EPHA3: variants seen among roughly 807,000 people sequenced by gnomAD.
The protein encoded by EPHA3 is ephrin type-A receptor 3.
In EPHA3, 42 loss-of-function variants were observed where a neutral mutation model predicts 107.1. The observed-to-expected ratio is 0.39, with a 90% CI of 0.31 to 0.51. EPHA3 has a LOEUF of 0.51. EPHA3 is among the 20% of genes least tolerant of loss of function. The probability of loss-of-function intolerance (pLI) is 0.78; values close to 1 mark genes in which losing one functional copy is unlikely to be tolerated. For synonymous variants in EPHA3, 461 were observed against 424.8 expected, an observed-to-expected ratio of 1.09 and a Z score of -1.05; for missense variants, 1,183 against 1,211.2, an observed-to-expected ratio of 0.98 and a Z score of 0.35.
chr3:89,368,880 A>G (rs1330218820), intron 5 of EPHA3, among the ~76,000 whole-genome samples: 1 of 150,602 alleles, frequency 6.6e-6, no homozygotes, highest in Non-Finnish European at 1.5e-5. Flanking sequence ...GCCCAGTCAA[A>G]TTGACACATA....
chr3:89,393,242 G>A (rs1479598578), intron 5 of EPHA3, among the ~76,000 whole-genome samples: 2 of 152,172 alleles, frequency 1.3e-5, no homozygotes. Context: ...TTAAGTAAGT[G>A]TGGAATTACA....
In EPHA3 at chr3:89,386,575, T is replaced by C. The variant is rs902148492; in HGVS notation, c.1307-9262T>C. ...GTTTGCTGCAGGGGCAGAGCCCTCA[T>C]AGAGACCTCTGCAAGGGCAGTGCAG... is the stretch of plus-strand genomic sequence containing the variant. On this transcript the variant is annotated intron_variant, in intron 5 of 16. Coordinates refer to ENST00000336596, the MANE Select transcript of EPHA3 (RefSeq NM_005233.6). Among the ~76,000 whole-genome samples, 5 of 152,218 alleles carry C rather than the reference T, an allele frequency of 3.3e-5. No individual in the cohort carries two copies. The South Asian group carries it at 6.2e-4, about 19-fold the overall frequency.
At chr3:89,400,552 A>G (rs985663511) in intron 7 of EPHA3, among the ~76,000 whole-genome samples, 1 of 152,110 alleles carries the variant, frequency 6.6e-6, no homozygotes, top group Admixed American at 6.6e-5. Context: ...CTCATTAATT[A>G]ATAAACAGAT....
At chr3:89,118,707 T>G (rs1255569183) in intron 1 of EPHA3, among the ~76,000 whole-genome samples, 2 of 151,902 alleles carry the variant, frequency 1.3e-5, no homozygotes, top group African/African-American at 2.4e-5. Flanking sequence ...TTATAATAAT[T>G]TATTGTCTGT....
intron 2 of EPHA3, among the ~76,000 whole-genome samples, chr3:89,149,370 A>T (rs80115098): frequency 6.6e-6 from 1 of 152,030 alleles, no homozygotes; most frequent in East Asian, 1.9e-4. Context: ...ATAGAAAACC[A>T]TTGAAATAAG....
intron 1 of EPHA3, among the ~76,000 whole-genome samples, chr3:89,112,080 AAGGGGAACT>A (rs1444921979): frequency 1.3e-5 from 2 of 152,084 alleles, no homozygotes; most frequent in African/African-American, 4.8e-5. Flanking sequence ...GGACTTATAA[AAGGGGAACT>A]ACATGTAATA....
At chr3:89,407,436 GT>G (rs373369797) in intron 8 of EPHA3, 65 bp downstream of exon 8, 2 of 1,299,712 alleles carry the variant, frequency 1.5e-6, no homozygotes, top group African/African-American at 1.5e-5. Flanking sequence ...ACTGATTGCT[GT>G]TAAAATGTGA....
At chr3:89,265,538 C>T (rs370402352) in intron 3 of EPHA3, among the ~76,000 whole-genome samples, 11 of 152,008 alleles carry the variant, frequency 7.2e-5, no homozygotes, top group African/African-American at 2.7e-4. Context: ...TGTGATATGG[C>T]TTTTATTATT....
At chr3:89,294,077 A>G (rs1706284364) in intron 3 of EPHA3, among the ~76,000 whole-genome samples, 1 of 152,204 alleles carries the variant, frequency 6.6e-6, no homozygotes, top group Non-Finnish European at 1.5e-5. Flanking sequence ...GGTAGAGGGT[A>G]AGATTTGTCC....
At chr3:89,254,474 C>T (rs957349084) in intron 3 of EPHA3, among the ~76,000 whole-genome samples, 1 of 152,092 alleles carries the variant, frequency 6.6e-6, no homozygotes, top group Non-Finnish European at 1.5e-5. Context: ...GCACCTCTGC[C>T]TCATCTCTTT....
intron 3 of EPHA3, among the ~76,000 whole-genome samples, chr3:89,338,404 G>A (rs1431595094): frequency 6.6e-6 from 1 of 152,190 alleles, no homozygotes; most frequent in Non-Finnish European, 1.5e-5. Flanking sequence ...TCACAATGAA[G>A]TGATTGCTCA....
In EPHA3 at chr3:89,479,487, C is replaced by T. The variant is rs2107581676; in HGVS notation, c.2937C>T (p.Gly979=). The change falls in exon 17 of 17, where the codon GGC becomes GGT. Residue 979 remains glycine (G), a synonymous_variant. Transcript: ENST00000336596. ...CTCTAGAAACGCAATCAAAGAATGG[C>T]CCAGTTCCCGTGTAAAGCACGGGAC... is the stretch of plus-strand genomic sequence containing the variant. The part of the protein sequence containing the change: ...IKALETQSKN[G]PVPV The T allele has an allele frequency of 1.2e-6, 2 of 1,613,830 alleles. No individual in the cohort carries two copies. The highest frequency in any genetic ancestry group is 1.1e-5 in the South Asian group (1 of 91,060).
chr3:89,305,272 A>G (rs1329736662), intron 3 of EPHA3, among the ~76,000 whole-genome samples: 1 of 152,130 alleles, frequency 6.6e-6, no homozygotes, highest in Non-Finnish European at 1.5e-5. Context: ...TGAGTTATTT[A>G]TCATAGCAAA....
At chr3:89,317,084 A>G (rs77711020) in intron 3 of EPHA3, among the ~76,000 whole-genome samples, 1,954 of 151,864 alleles carry the variant, frequency 0.013, 18 homozygotes, top group Non-Finnish European at 0.017. Flanking sequence ...ACTTAACCAA[A>G]CGTTAAATTA....
chr3:89,392,867 C>T (rs1247883499), intron 5 of EPHA3, among the ~76,000 whole-genome samples: 1 of 151,832 alleles, frequency 6.6e-6, no homozygotes, highest in Non-Finnish European at 1.5e-5. Flanking sequence ...ATAAAAAAAT[C>T]GATAAATTAT....
chr3:89,367,691 T>G (rs1386009873), intron 5 of EPHA3, among the ~76,000 whole-genome samples: 1 of 150,860 alleles, frequency 6.6e-6, no homozygotes, highest in Non-Finnish European at 1.5e-5. Context: ...TAGATATATC[T>G]CCTTCCTATT....
chr3:89,179,521 G>A (rs1576208333), intron 2 of EPHA3, among the ~76,000 whole-genome samples: 1 of 152,122 alleles, frequency 6.6e-6, no homozygotes. Flanking sequence ...CAAGCATAAA[G>A]TCTGAATCTT....
chr3:89,479,342 CCTG>C lies in EPHA3; in HGVS notation c.2847-52_2847-50del, dbSNP rs1208230973. 2.1e-6 allele frequency: 3 copies of C among 1,404,826 alleles called. No individual in the cohort carries two copies. The East Asian group carries it at 6.9e-5, about 32-fold the overall frequency. The allele number at this position is 1,404,826 out of a possible 1,614,324, so 87.0% of individuals were successfully genotyped here. Reference sequence around the variant, plus strand: ...TGCAAATTGTGCTAATTGAAAATCTCCTGCTTATACACTATCGAGGAAACCGAT... The same window carrying C: ...TGCAAATTGTGCTAATTGAAAATCTCCTTATACACTATCGAGGAAACCGAT... On this transcript the variant is annotated intron_variant, in intron 16 of 16. Transcript: ENST00000336596.
Position 89,458,985 on chromosome 3 carries a change from G to A in EPHA3, c.2690+8615G>A, listed in dbSNP as rs554884188. 5.9e-5 allele frequency among the ~76,000 whole-genome samples: 9 copies of A among 152,214 alleles called. No individual in the cohort carries two copies. In the South Asian group the frequency reaches 6.2e-4, roughly 11 times the overall value. On this transcript the variant is annotated intron_variant, in intron 15 of 16. Coordinates refer to ENST00000336596, the MANE Select transcript of EPHA3 (RefSeq NM_005233.6). ...TAAGTGGGAGTTGAACAATGAGAACGCATGGACTCAGGGAGAGGAACATCA... is the reference window on the plus strand; with the variant it reads ...TAAGTGGGAGTTGAACAATGAGAACACATGGACTCAGGGAGAGGAACATCA...
Sources: gnomAD v4.1 joint callset for allele counts (sites outside exome capture counted in the v4.1 genomes callset) on GRCh38, gnomAD v4.1.1 for gene constraint, MANE v1.5 for transcripts, NCBI Gene and HGNC (gene_info 2026-07-23, HGNC 2026-07-21) for gene names.